DNASE1: variants seen among roughly 807,000 people sequenced by gnomAD.
DNASE1 encodes the protein deoxyribonuclease-1.
DNASE1 carries 40 observed loss-of-function variants against 33.9 expected under a neutral mutation model. That is an observed-to-expected ratio of 1.18 (90% CI 0.92 to 1.54). DNASE1 has a LOEUF of 1.54. DNASE1 is among the 40% of genes most tolerant of loss of function. DNASE1 has a pLI of 0.00. For missense variants in DNASE1, 518 were observed against 372.6 expected, an observed-to-expected ratio of 1.39 and a Z score of -3.21; for synonymous variants, 216 against 160.0, an observed-to-expected ratio of 1.35 and a Z score of -2.64.
At chr16:3,617,576 T>G (rs929220755) in intron 1 of DNASE1, among the ~76,000 whole-genome samples, 4 of 152,168 alleles carry the variant, frequency 2.6e-5, no homozygotes, top group Non-Finnish European at 5.9e-5. Context: ...TCTAAATGTT[T>G]ATGTCTCCCC....
intron 1 of DNASE1, among the ~76,000 whole-genome samples, chr16:3,624,914 C>G (rs56180222): frequency 0.065 from 9,899 of 152,132 alleles, 333 homozygotes; most frequent in Admixed American, 0.077. Context: ...TGCCCAGGCT[C>G]GTCTCGAACT....
intron 1 of DNASE1, among the ~76,000 whole-genome samples, chr16:3,612,266 T>A (rs2040907080): frequency 6.6e-6 from 1 of 152,184 alleles, no homozygotes; most frequent in Non-Finnish European, 1.5e-5. Flanking sequence ...TGTTTGTTTT[T>A]TGAGACGGGG....
chr16:3,653,077 T>TTA (rs915835605), upstream of DNASE1: 1 of 152,192 alleles, frequency 6.6e-6, no homozygotes, highest in African/African-American at 2.4e-5. Flanking sequence ...CTTGCAGATG[T>TTA]GAGTAAAGGC....
At chr16:3,639,413 C>T (rs919546701), upstream of DNASE1, among the ~76,000 whole-genome samples, 4 of 152,210 alleles carry the variant, frequency 2.6e-5, no homozygotes, top group African/African-American at 7.2e-5. Context: ...ACCAACCCCC[C>T]GGCTTTCCAG....
downstream of DNASE1, chr16:3,658,131 A>T (rs1049863556): frequency 1.2e-6 from 2 of 1,613,954 alleles, no homozygotes; most frequent in Admixed American, 3.3e-5. Context: ...CCTGGCTGTC[A>T]GTGTCGCTCC....
chr16:3,620,952 A>G (rs2041289486), intron 1 of DNASE1, among the ~76,000 whole-genome samples: 1 of 151,824 alleles, frequency 6.6e-6, no homozygotes, highest in Non-Finnish European at 1.5e-5. Flanking sequence ...AGGCGCCTGC[A>G]CCACACCTGG....
At chr16:3,658,172 C>G (rs376064675), downstream of DNASE1, 7 of 1,614,082 alleles carry the variant, frequency 4.3e-6, no homozygotes, top group Non-Finnish European at 8.5e-7. Context: ...ATTCAAGCGG[C>G]CCACCATGGC....
At chr16:3,663,485 A>C (rs1210894201) in exon 10 of DNASE1, 1 of 1,614,212 alleles carries the variant, frequency 6.2e-7, no homozygotes. Context: ...CCGTCTCCAC[A>C]GAGATCAGCT....
intron 1 of DNASE1, among the ~76,000 whole-genome samples, chr16:3,619,982 C>A (rs1308910038): frequency 6.8e-6 from 1 of 146,214 alleles, no homozygotes; most frequent in Non-Finnish European, 1.5e-5. Context: ...GTGGCATAAT[C>A]TCGCCTCACT....
At chr16:3,627,076 A>C (rs930595870) in intron 1 of DNASE1, among the ~76,000 whole-genome samples, 1 of 148,316 alleles carries the variant, frequency 6.7e-6, no homozygotes, top group African/African-American at 2.5e-5. Flanking sequence ...GGGTCTCCCT[A>C]TGTTGCCCAT....
rs1234213074 is a variant in DNASE1 at position 3,664,460 on chromosome 16, C to T, written c.*6507C>T. On this transcript the variant is annotated 3_prime_UTR_variant, in exon 10 of 10. Coordinates refer to the DNASE1 transcript ENST00000407479. The stretch of plus-strand genomic sequence containing the variant: ...AGCGCAGCAGCTTTGCTATGTCCTC[C>T]TAGAAGGGACGGGGCAGGTCACCAC... The T allele has an allele frequency of 4.4e-6, 7 of 1,608,014 alleles. No individual in the cohort carries two copies. Among genetic ancestry groups the T allele is most frequent in the Non-Finnish European group, 5.9e-6 (7 of 1,177,684 alleles).
chr16:3,663,538 C>G (rs760069677), exon 10 of DNASE1: 1 of 1,614,108 alleles, frequency 6.2e-7, no homozygotes. Flanking sequence ...GTGAGCTCAT[C>G]AAACTGCTCA....
upstream of DNASE1, among the ~76,000 whole-genome samples, chr16:3,639,775 G>T (rs2041978532): frequency 6.6e-6 from 1 of 152,058 alleles, no homozygotes; most frequent in East Asian, 1.9e-4. Flanking sequence ...TCAAATTGTT[G>T]GCCAGGCCCG....
At chr16:3,624,389 A>G (rs1266351355) in intron 1 of DNASE1, among the ~76,000 whole-genome samples, 1 of 152,186 alleles carries the variant, frequency 6.6e-6, no homozygotes, top group Admixed American at 6.5e-5. Flanking sequence ...TTACATTAAA[A>G]TTGTTATTGG....
chr16:3,658,340 T>C (rs923479775), downstream of DNASE1: 9 of 873,350 alleles, frequency 1.0e-5, no homozygotes, highest in Non-Finnish European at 1.6e-5. Context: ...AGAGGCACGA[T>C]CTCGGCTCAC....
At chr16:3,623,974 A>G (rs2041414831) in intron 1 of DNASE1, among the ~76,000 whole-genome samples, 2 of 152,152 alleles carry the variant, frequency 1.3e-5, no homozygotes, top group Non-Finnish European at 2.9e-5. Flanking sequence ...GTAAATTACT[A>G]TAACCTCTAT....
downstream of DNASE1, chr16:3,660,021 C>T (rs928324597): frequency 3.3e-5 from 5 of 152,180 alleles, no homozygotes; most frequent in African/African-American, 1.2e-4. Context: ...GGCACCGCAC[C>T]CAACCTAACA....
At chr16:3,664,615 G>C (rs2151243822) in exon 10 of DNASE1, 2 of 763,854 alleles carry the variant, frequency 2.6e-6, no homozygotes, top group Non-Finnish European at 4.0e-6. Flanking sequence ...TTGTCCGAGA[G>C]CAGGCCTTGC....
upstream of DNASE1, chr16:3,654,534 G>C (rs899049185): frequency 1.0e-5 from 4 of 398,568 alleles, no homozygotes; most frequent in African/African-American, 8.2e-5. Flanking sequence ...AAGAGACAGG[G>C]AGACTGGAGC....
Sources: allele counts gnomAD v4.1 joint callset (sites outside exome capture counted in the v4.1 genomes callset), GRCh38; gene constraint gnomAD v4.1.1; transcripts MANE v1.5; gene names NCBI Gene and HGNC (gene_info 2026-07-23, HGNC 2026-07-21).